The following GRHL3 variants were observed in gnomAD, a reference collection of about 807,000 sequenced individuals.
GRHL3 encodes grainyhead-like protein 3 homolog.
In GRHL3, 20 loss-of-function variants were observed where a neutral mutation model predicts 70.3. That is an observed-to-expected ratio of 0.28 (90% CI 0.20 to 0.41). The LOEUF (loss-of-function observed/expected upper bound fraction) is 0.41, where lower values mean the gene tolerates loss of function less well. Ranked by LOEUF, GRHL3 falls within the 10% of genes least tolerant of loss-of-function variation. GRHL3 has a pLI of 1.00. For missense variants in GRHL3, 637 were observed against 762.3 expected (o/e 0.84, Z 1.94); for synonymous variants, 299 against 299.9 (o/e 1.00, Z 0.03).
At chr1:24,346,754 G>A (rs1024584985) in intron 13 of GRHL3, 113 bp downstream of exon 13, 4 of 785,438 alleles carry the variant, frequency 5.1e-6, no homozygotes, top group Non-Finnish European at 8.4e-6. Context: ...CTTACCCCTT[G>A]GAGCTAGGTT....
intron 7 of GRHL3, 71 bp downstream of exon 7, chr1:24,338,174 T>C: frequency 6.8e-6 from 7 of 1,023,084 alleles, no homozygotes; most frequent in Non-Finnish European, 1.0e-5. Flanking sequence ...CAGGCCTTTT[T>C]CTTACTCACC....
chr1:24,359,231 A>G (rs1640927907), downstream of GRHL3, among the ~76,000 whole-genome samples: 1 of 152,228 alleles, frequency 6.6e-6, no homozygotes, highest in Non-Finnish European at 1.5e-5. This position sits in a 1 kb window ranked among gnomAD's most constrained non-coding sequence, Gnocchi z 5.3. Flanking sequence ...CCCTCGCAGA[A>G]GCCCACCTTG....
At chr1:24,332,478 G>A (rs556537488) in intron 2 of GRHL3, among the ~76,000 whole-genome samples, 27 of 152,310 alleles carry the variant, frequency 1.8e-4, no homozygotes, top group African/African-American at 5.8e-4. Flanking sequence ...CCTCCAGTGC[G>A]TGTGCTAGAC....
Position 24,324,868 on chromosome 1 carries a change from C to G in GRHL3, c.17+5300C>G, listed in dbSNP as rs754619248. On this transcript the variant is annotated intron_variant, in intron 1 of 15. Transcript: ENST00000361548. ...ACTGGAGTCATTACAGAGCCATGCC[C>G]TACACTCTGCCATTTCCCCATTGAG... Among the ~76,000 whole-genome samples, 80 of 152,144 alleles carry G rather than the reference C, an allele frequency of 5.3e-4. 4 individuals carry two copies. The highest frequency in any genetic ancestry group is 1.2e-4 in the Non-Finnish European group (8 of 68,016).
In GRHL3 at chr1:24,354,532, C is replaced by G. The variant is rs765883157; in HGVS notation, c.*44C>G. 7.9e-7 allele frequency: 1 copy of G among 1,262,926 alleles called. No individual in the cohort carries two copies. The highest frequency in any genetic ancestry group is 1.2e-6 in the Non-Finnish European group (1 of 860,920). 78.2% of individuals were successfully genotyped at this position (1,262,926 alleles called of 1,614,324 possible). A position where few individuals can be genotyped will look rare whatever the true frequency, so the allele number is the denominator to read the frequency against. ...ACCCTCACGACCTGCAAGGGGCCAGCAGGGACGTGGCCCCACGCCACACAC... is the reference window on the plus strand; with the variant it reads ...ACCCTCACGACCTGCAAGGGGCCAGGAGGGACGTGGCCCCACGCCACACAC... On this transcript the variant is annotated 3_prime_UTR_variant, in exon 16 of 16. Coordinates refer to ENST00000361548, the MANE Select transcript of GRHL3 (RefSeq NM_198173.3).
At chr1:24,324,303 A>G (rs1214711450) in intron 1 of GRHL3, among the ~76,000 whole-genome samples, 1 of 152,146 alleles carries the variant, frequency 6.6e-6, no homozygotes, top group African/African-American at 2.4e-5. Flanking sequence ...CAGCCTGACC[A>G]CCGTCAACTT....
rs1352393187 is a variant in GRHL3 at position 24,342,998 on chromosome 1, C to A, written c.1392C>A (p.His464Gln). The A allele has an allele frequency of 1.2e-6, 2 of 1,614,000 alleles. No individual in the cohort carries two copies. The highest frequency in any genetic ancestry group is 1.7e-6 in the Non-Finnish European group (2 of 1,180,040). The change falls in exon 11 of 16, where the codon CAC (histidine) becomes CAA (glutamine). Residue 464 changes from histidine (H) to glutamine (Q), a missense_variant. His to Gln is a conservative substitution (Grantham distance 24, BLOSUM62 0). Transcript: ENST00000361548. This position sits in a 1 kb window ranked among gnomAD's most constrained non-coding sequence, Gnocchi z 4.8. ...CCGTGCTGTTCATCCCCAATGTGCA[C>A]TTCTCCAGCCTGCAGCGCTCTGGAG... ...TPPVLFIPNVHFSSLQRSGGA... is the reference protein window; with the variant it reads ...TPPVLFIPNVQFSSLQRSGGA...
chr1:24,348,692 GTCCAATTGATGGTGAGAGAGTTC>G (rs1398693253), intron 14 of GRHL3, among the ~76,000 whole-genome samples: 2 of 152,204 alleles, frequency 1.3e-5, no homozygotes, highest in African/African-American at 4.8e-5. Flanking sequence ...TGTCCAATTT[GTCCAATTGATGGTGAGAGAGTTC>G]CTGAGTTCTT....
chr1:24,347,668 C>T, intron 14 of GRHL3, 115 bp downstream of exon 14: 1 of 825,496 alleles, frequency 1.2e-6, no homozygotes. Context: ...TGCCGGTGGC[C>T]TACCCGTCCC....
rs763071664 is a variant in GRHL3 at position 24,334,533 on chromosome 1, G to A, written c.205-112G>A. On this transcript the variant is annotated intron_variant, in intron 2 of 15. Coordinates refer to ENST00000361548, the MANE Select transcript of GRHL3 (RefSeq NM_198173.3). The surrounding 1 kb of genome is among the most constrained non-coding windows in gnomAD (Gnocchi z 4.3). ...ATGAGATTTGGGTGGGGACACAGCC[G>A]AACCATATCACCAAAGTTACTCCCC... is the stretch of plus-strand genomic sequence containing the variant. 100 of 769,324 alleles carry A rather than the reference G, an allele frequency of 1.3e-4. 1 individual carries two copies. The highest frequency in any genetic ancestry group is 7.6e-4 in the South Asian group (47 of 61,884). The allele number at this position is 769,324 out of a possible 1,614,324, so 47.7% of individuals were successfully genotyped here. A position where few individuals can be genotyped will look rare whatever the true frequency, so the allele number is the denominator to read the frequency against.
rs557184458 is a variant in GRHL3 at position 24,354,277 on chromosome 1, A to T, written c.1695-97A>T. The T allele has an allele frequency of 4.0e-6, 3 of 747,324 alleles. No individual in the cohort carries two copies. In the East Asian group the frequency reaches 8.2e-5, roughly 20 times the overall value. 46.3% of individuals were successfully genotyped at this position (747,324 alleles called of 1,614,324 possible). On this transcript the variant is annotated intron_variant, in intron 15 of 15. Coordinates refer to ENST00000361548, the MANE Select transcript of GRHL3 (RefSeq NM_198173.3). Reference sequence around the variant, plus strand: ...GTGAGGTGCCTAAAATGTGGCAGGTACCCACTGGGTATGACCCATCACTCA... The same window carrying T: ...GTGAGGTGCCTAAAATGTGGCAGGTTCCCACTGGGTATGACCCATCACTCA...
chr1:24,364,360 A>G (rs1403913099), exon 16 of GRHL3: 2 of 1,542,262 alleles, frequency 1.3e-6, no homozygotes. Context: ...CTTCACTGTA[A>G]ACTCGGAATG....
chr1:24,338,876 CCTCATATGTAAACTGAATA>C (rs1639928597), intron 7 of GRHL3, among the ~76,000 whole-genome samples: 1 of 152,178 alleles, frequency 6.6e-6, no homozygotes, highest in Admixed American at 6.5e-5. Flanking sequence ...GCTTCGTTTT[CCTCATATGTAAACTGAATA>C]CTCAAAGCAT....
At position 24,319,461 on chromosome 1, in the gene GRHL3, C is replaced by T. The variant is rs1639094814; in HGVS notation, c.-91C>T. ...AACCTCAACATAAATCAAACACTTTCCCGGGCAGAGAATGTCTGTGTCAGG... is the reference window on the plus strand; with the variant it reads ...AACCTCAACATAAATCAAACACTTTTCCGGGCAGAGAATGTCTGTGTCAGG... On this transcript the variant is annotated 5_prime_UTR_variant, in exon 1 of 16. Coordinates refer to ENST00000361548, the MANE Select transcript of GRHL3 (RefSeq NM_198173.3). 3.8e-6 allele frequency: 5 copies of T among 1,326,344 alleles called. No homozygotes were observed. The highest frequency in any genetic ancestry group is 5.4e-6 in the Non-Finnish European group (5 of 918,978). The allele number at this position is 1,326,344 out of a possible 1,614,324, so 82.2% of individuals were successfully genotyped here.
In GRHL3 at chr1:24,331,479, C is replaced by G. The variant is rs1479877554; in HGVS notation, c.71C>G (p.Ser24Cys). ...KNDPVNLQKF[S>C]YTSEDEAWKT... ...GACCCAGTCAACTTGCAGAAATTCT[C>G]TTACACTAGTGAGGATGAGGCCTGG... is the stretch of plus-strand genomic sequence containing the variant. The change falls in exon 2 of 16, where the codon TCT (serine) becomes TGT (cysteine). Residue 24 changes from serine (S) to cysteine (C), a missense_variant. By Grantham distance (112) the Ser-to-Cys change is moderately radical (BLOSUM62 -1). This residue lies in a region of GRHL3 where 250 missense variants were observed against 248.6 expected (regional missense o/e 1.01). Transcript: ENST00000361548. 6.2e-7 allele frequency: 1 copy of G among 1,613,988 alleles called. No individual in the cohort carries two copies. Among genetic ancestry groups the G allele is most frequent in the Non-Finnish European group, 8.5e-7 (1 of 1,179,922 alleles).
At chr1:24,361,378 G>A (rs187998795) in intron 15 of GRHL3, among the ~76,000 whole-genome samples, 2 of 152,150 alleles carry the variant, frequency 1.3e-5, no homozygotes, top group South Asian at 2.1e-4. Flanking sequence ...GAAATGGCAG[G>A]CCGTGTATAT....
At chr1:24,349,154 T>C (rs964930473) in intron 14 of GRHL3, among the ~76,000 whole-genome samples, 3 of 152,202 alleles carry the variant, frequency 2.0e-5, no homozygotes, top group Non-Finnish European at 4.4e-5. Flanking sequence ...GGGACCAGAC[T>C]GGATGTGCCT....
downstream of GRHL3, among the ~76,000 whole-genome samples, chr1:24,359,067 G>A (rs754894225): frequency 5.3e-5 from 8 of 152,198 alleles, no homozygotes; most frequent in Non-Finnish European, 8.8e-5. The surrounding 1 kb of genome is among the most constrained non-coding windows in gnomAD (Gnocchi z 5.3). Context: ...AGAAACTCAT[G>A]TTGATACTGA....
At chr1:24,358,450 C>T (rs762600164), downstream of GRHL3, 3 of 1,085,210 alleles carry the variant, frequency 2.8e-6, no homozygotes, top group Non-Finnish European at 4.3e-6. Flanking sequence ...TCAGCTGCCA[C>T]ACTCATGATC....
Sources: allele counts gnomAD v4.1 joint callset (sites outside exome capture counted in the v4.1 genomes callset), GRCh38; gene constraint gnomAD v4.1.1; regional missense constraint gnomAD v4.1.1; non-coding constraint Gnocchi (gnomAD v3.1); transcripts MANE v1.5; gene names NCBI Gene and HGNC (gene_info 2026-07-23, HGNC 2026-07-21).